The following GALNTL5 variants were observed in gnomAD, a reference collection of about 807,000 sequenced individuals.
GALNTL5 encodes inactive polypeptide N-acetylgalactosaminyltransferase-like protein 5.
Under a neutral mutation model 51.0 loss-of-function variants are expected in GALNTL5, and 44 were observed. That is an observed-to-expected ratio of 0.86 (90% confidence interval 0.68 to 1.11). The LOEUF is 1.11. GALNTL5 is among the 50% of genes least tolerant of loss of function. The pLI, the probability that GALNTL5 is intolerant of heterozygous loss-of-function variation, is 0.00. For synonymous variants in GALNTL5, 192 were observed against 182.8 expected (o/e 1.05, Z -0.41); for missense variants, 528 against 531.8 (o/e 0.99, Z 0.07).
intron 5 of GALNTL5, among the ~76,000 whole-genome samples, chr7:151,997,955 G>A (rs931759107): frequency 9.9e-5 from 15 of 151,856 alleles, no homozygotes; most frequent in Admixed American, 2.0e-4. Flanking sequence ...TAATCCTAGC[G>A]CTTTAGGAGG....
intron 3 of GALNTL5, among the ~76,000 whole-genome samples, chr7:151,973,529 GC>G (rs747592991): frequency 9.2e-4 from 140 of 152,124 alleles, no homozygotes; most frequent in Non-Finnish European, 1.8e-3. Context: ...GGGGCCTGTG[GC>G]CCCTTTGTTT....
intron 8 of GALNTL5, among the ~76,000 whole-genome samples, chr7:152,015,354 G>A (rs1477150002): frequency 1.4e-5 from 2 of 144,864 alleles, no homozygotes; most frequent in African/African-American, 5.2e-5. Flanking sequence ...GTCCCCATGT[G>A]CAACTCTTTT....
intron 5 of GALNTL5, among the ~76,000 whole-genome samples, chr7:151,989,863 G>A (rs954225561): frequency 2.6e-5 from 4 of 151,996 alleles, no homozygotes; most frequent in Admixed American, 1.3e-4. Flanking sequence ...TCATTTTTCT[G>A]TCGATTTATC....
At chr7:151,979,903 A>G (rs941890637) in intron 3 of GALNTL5, among the ~76,000 whole-genome samples, 49 of 152,196 alleles carry the variant, frequency 3.2e-4, no homozygotes, top group African/African-American at 9.6e-4. Flanking sequence ...GACGCAGTTT[A>G]TTTCCAGTTT....
intron 4 of GALNTL5, among the ~76,000 whole-genome samples, chr7:151,983,353 T>C (rs531405179): frequency 1.3e-5 from 2 of 152,108 alleles, no homozygotes; most frequent in South Asian, 4.2e-4. Context: ...AATTTTTGTA[T>C]TTTTAGTAGA....
intron 1 of GALNTL5, among the ~76,000 whole-genome samples, chr7:151,962,228 C>G (rs1297933128): frequency 6.6e-6 from 1 of 151,878 alleles, no homozygotes; most frequent in Non-Finnish European, 1.5e-5. Flanking sequence ...GTCTTGAACT[C>G]CTGACCTCGT....
chr7:151,976,196 G>C (rs1464442723), intron 3 of GALNTL5, among the ~76,000 whole-genome samples: 1 of 152,032 alleles, frequency 6.6e-6, no homozygotes, highest in East Asian at 1.9e-4. Flanking sequence ...TTTTATTGCA[G>C]TCTATCACTC....
intron 1 of GALNTL5, among the ~76,000 whole-genome samples, chr7:151,964,211 C>G (rs1367331508): frequency 6.6e-6 from 1 of 152,168 alleles, no homozygotes; most frequent in African/African-American, 2.4e-5. Context: ...TTGGGCCCAC[C>G]CTGTGACCTC....
At chr7:151,960,477 T>C (rs1458011409) in intron 1 of GALNTL5, 1 of 152,252 alleles carries the variant, frequency 6.6e-6, no homozygotes, top group African/African-American at 2.4e-5. Context: ...CTAGGTCAAG[T>C]TCCCCAGGAA....
rs537424966 is a variant in GALNTL5 at position 151,983,006 on chromosome 7, C to G, written c.389C>G (p.Pro130Arg). 198 of 1,614,160 alleles carry G rather than the reference C, an allele frequency of 1.2e-4. No individual in the cohort carries two copies. In the South Asian group the frequency reaches 2.0e-3, roughly 17 times the overall value. The change falls in exon 4 of 9, where the codon CCA (proline) becomes CGA (arginine). Residue 130 changes from proline (P) to arginine (R), a missense_variant. By Grantham distance (103) the Pro-to-Arg change is moderately radical (BLOSUM62 -2). Transcript: ENST00000392800. ...RSKMCLQKHY[P>R]ARLPTASIVI... ...TGCAGGTGTCTTCAAAAACATTACC[C>G]AGCCCGCCTCCCGACTGCCAGCATT...
chr7:151,977,938 C>G (rs769355204), intron 3 of GALNTL5, among the ~76,000 whole-genome samples: 12 of 152,128 alleles, frequency 7.9e-5, no homozygotes, highest in Non-Finnish European at 1.8e-4. Context: ...TTTTCCCACT[C>G]TCTTTTTAAG....
intron 7 of GALNTL5, 38 bp downstream of exon 7, chr7:152,007,982 T>C: frequency 2.7e-6 from 3 of 1,120,112 alleles, no homozygotes; most frequent in Non-Finnish European, 4.1e-6. Context: ...CTATAGAGAG[T>C]GAAACCTAAC....
chr7:152,007,628 C>G (rs1174377486), intron 6 of GALNTL5, among the ~76,000 whole-genome samples, 199 bp from the exon 7 acceptor site: 1 of 151,920 alleles, frequency 6.6e-6, no homozygotes, highest in Non-Finnish European at 1.5e-5. Flanking sequence ...CTGTGTTAGC[C>G]AGGATGGTCT....
chr7:151,983,005 C>G lies in GALNTL5; in HGVS notation c.388C>G (p.Pro130Ala). 6.2e-7 allele frequency: 1 copy of G among 1,614,090 alleles called. No homozygotes were observed. ...CTGCAGGTGTCTTCAAAAACATTAC[C>G]CAGCCCGCCTCCCGACTGCCAGCAT... ...RSKMCLQKHY[P>A]ARLPTASIVI... The change falls in exon 4 of 9, where the codon CCA becomes GCA. Residue 130 changes from proline (P) to alanine (A), a missense_variant. Pro to Ala is a conservative substitution (Grantham distance 27). Transcript: ENST00000392800.
Position 151,967,478 on chromosome 7 carries a change from G to T in GALNTL5, c.232G>T (p.Ala78Ser). The T allele has an allele frequency of 6.2e-7, 1 of 1,613,534 alleles. No individual in the cohort carries two copies. The highest frequency in any genetic ancestry group is 1.3e-5 in the African/African-American group (1 of 74,978). The change falls in exon 2 of 9, where the codon GCA (alanine) becomes TCA (serine). Residue 78 changes from alanine (A) to serine (S), a missense_variant. Ala to Ser is a moderately conservative substitution (Grantham distance 99, BLOSUM62 1). Coordinates refer to ENST00000392800, the MANE Select transcript of GALNTL5 (RefSeq NM_145292.4). ...AGTCAAAAGGACTGATGAAGATAAA[G>T]CAAAGTCTATGTTAGGTAAGTATTT... Reference protein sequence around the residue: ...VIVKRTDEDKAKSMLGTDFNH... With the variant: ...VIVKRTDEDKSKSMLGTDFNH...
chr7:151,998,781 AAAC>A (rs1563019385), intron 5 of GALNTL5, among the ~76,000 whole-genome samples: 2 of 143,928 alleles, frequency 1.4e-5, no homozygotes, highest in African/African-American at 2.7e-5. Context: ...AAAAAAAAAA[AAAC>A]AAAAAACAAA....
At chr7:152,017,651 T>A (rs993326507) in intron 8 of GALNTL5, among the ~76,000 whole-genome samples, 4 of 152,096 alleles carry the variant, frequency 2.6e-5, no homozygotes, top group Non-Finnish European at 5.9e-5. Context: ...AGGGCAATGA[T>A]CAGGAAAGAA....
chr7:152,010,764 G>C (rs1409430988), intron 7 of GALNTL5, among the ~76,000 whole-genome samples: 1 of 134,244 alleles, frequency 7.4e-6, no homozygotes, highest in Non-Finnish European at 1.7e-5. Context: ...GCGAGACTCT[G>C]TCTCAAAAAA....
intron 3 of GALNTL5, among the ~76,000 whole-genome samples, chr7:151,977,126 G>A (rs2081216592): frequency 6.6e-6 from 1 of 152,088 alleles, no homozygotes; most frequent in Non-Finnish European, 1.5e-5. Flanking sequence ...TATATGTTAT[G>A]ACAAGTTACT....
Sources: gnomAD v4.1 joint callset for allele counts (sites outside exome capture counted in the v4.1 genomes callset) on GRCh38, gnomAD v4.1.1 for gene constraint, MANE v1.5 for transcripts, NCBI Gene and HGNC (gene_info 2026-07-23, HGNC 2026-07-21) for gene names.